CDKL3: variants seen among roughly 807,000 people sequenced by gnomAD.
CDKL3 encodes the protein cyclin-dependent kinase-like 3.
CDKL3 carries 65 observed loss-of-function variants against 69.3 expected under a neutral mutation model. The ratio of observed to expected loss-of-function variants is 0.94; its 90% confidence interval spans 0.77 to 1.15. CDKL3 has a LOEUF of 1.15. CDKL3 is among the 50% of genes most tolerant of loss of function. The pLI is 0.00. For synonymous variants in CDKL3, 202 were observed against 221.6 expected (o/e 0.91, Z 0.79); for missense variants, 652 against 689.2 (o/e 0.95, Z 0.61).
intron 4 of CDKL3, among the ~76,000 whole-genome samples, chr5:134,338,309 A>G (rs1422783655): frequency 6.6e-6 from 1 of 152,200 alleles, no homozygotes; most frequent in Non-Finnish European, 1.5e-5. Context: ...GAATTAAACT[A>G]GTATAAATAG....
At chr5:134,346,317 C>T (rs1751854196) in intron 4 of CDKL3, among the ~76,000 whole-genome samples, 3 of 152,206 alleles carry the variant, frequency 2.0e-5, no homozygotes, top group South Asian at 4.1e-4. Context: ...CACCTATCCA[C>T]TCCTTTCAGC....
intron 3 of CDKL3, among the ~76,000 whole-genome samples, chr5:134,352,392 C>A (rs1753536956): frequency 6.6e-6 from 1 of 151,688 alleles, no homozygotes; most frequent in Non-Finnish European, 1.5e-5. Context: ...CCTCTGACTC[C>A]TGGGTTCAAG....
intron 12 of CDKL3, among the ~76,000 whole-genome samples, chr5:134,300,980 C>G (rs560671402): frequency 4.0e-5 from 6 of 151,662 alleles, no homozygotes; most frequent in Admixed American, 1.3e-4. Context: ...TATAATGAAC[C>G]GAAAGATGAC....
chr5:134,349,387 T>C (rs1301758412), intron 4 of CDKL3, among the ~76,000 whole-genome samples: 3 of 152,194 alleles, frequency 2.0e-5, no homozygotes, highest in Non-Finnish European at 4.4e-5. Flanking sequence ...ATGCTACTTT[T>C]GAAGTAATTC....
chr5:134,305,653 AAC>A (rs1398652197), intron 10 of CDKL3, among the ~76,000 whole-genome samples: 1 of 152,212 alleles, frequency 6.6e-6, no homozygotes, highest in African/African-American at 2.4e-5. Flanking sequence ...TAGATCAATG[AAC>A]ACTCTTCCAC....
At chr5:134,331,234 C>T (rs913219355) in intron 4 of CDKL3, among the ~76,000 whole-genome samples, 3 of 152,172 alleles carry the variant, frequency 2.0e-5, no homozygotes, top group Non-Finnish European at 4.4e-5. Context: ...GTTTTCCTCA[C>T]AAGTTGATGT....
At chr5:134,307,892 CT>C (rs36104884) in intron 9 of CDKL3, 496 of 475,804 alleles carry the variant, frequency 1.0e-3, no homozygotes, top group Non-Finnish European at 1.1e-3. Context: ...TTCAAAGGGT[CT>C]TTTTTTTTAA....
chr5:134,367,105 G>C lies in CDKL3; in HGVS notation c.-150C>G, dbSNP rs1206202551. 1 of 985,936 alleles carries C rather than the reference G, an allele frequency of 1.0e-6. No homozygotes were observed. The highest frequency in any genetic ancestry group is 6.1e-5 in the Admixed American group (1 of 16,270). 61.1% of individuals were successfully genotyped at this position (985,936 alleles called of 1,614,324 possible). A position where few individuals can be genotyped will look rare whatever the true frequency, so the allele number is the denominator to read the frequency against. The stretch of plus-strand genomic sequence containing the variant: ...AGCCACCGAACACTGATACTACTTT[G>C]TTGCTCAGCCCCGCAAGGAACCGGC... On this transcript the variant is annotated 5_prime_UTR_variant, in exon 1 of 13. Transcript: ENST00000265334.
chr5:134,332,134 T>C (rs2149525226), intron 4 of CDKL3, among the ~76,000 whole-genome samples: 1 of 152,328 alleles, frequency 6.6e-6, no homozygotes, highest in Middle Eastern at 3.4e-3. Context: ...GCCCACTTTT[T>C]GATGCAGTTG....
At chr5:134,305,216 A>G (rs1767482284) in intron 10 of CDKL3, among the ~76,000 whole-genome samples, 1 of 152,068 alleles carries the variant, frequency 6.6e-6, no homozygotes, top group African/African-American at 2.4e-5. Context: ...GGCTCAAGCC[A>G]TAGTCCCATC....
At chr5:134,340,047 G>C (rs141613607) in intron 4 of CDKL3, among the ~76,000 whole-genome samples, 1 of 152,070 alleles carries the variant, frequency 6.6e-6, no homozygotes, top group Admixed American at 6.6e-5. Flanking sequence ...TCAGCTACTC[G>C]GGAGGCTGAG....
chr5:134,346,520 G>A (rs1000646343), intron 4 of CDKL3, among the ~76,000 whole-genome samples: 1 of 152,114 alleles, frequency 6.6e-6, no homozygotes, highest in African/African-American at 2.4e-5. Flanking sequence ...TTTTGAGACG[G>A]AGTTTCGCTC....
chr5:134,284,213 T>C (rs1223350347), downstream of CDKL3, among the ~76,000 whole-genome samples: 2 of 152,106 alleles, frequency 1.3e-5, no homozygotes, highest in Non-Finnish European at 2.9e-5. Flanking sequence ...TTTCCCTAAG[T>C]GTTGGTCTGT....
intron 4 of CDKL3, among the ~76,000 whole-genome samples, chr5:134,338,053 T>C (rs1777540174): frequency 6.6e-6 from 1 of 152,142 alleles, no homozygotes; most frequent in Non-Finnish European, 1.5e-5. Context: ...GAAAAAATAA[T>C]ATGCATGCAA....
chr5:134,309,858 GTC>G (rs1352681921), intron 7 of CDKL3, among the ~76,000 whole-genome samples: 1 of 152,076 alleles, frequency 6.6e-6, no homozygotes, highest in African/African-American at 2.4e-5. Context: ...TTCAGACACG[GTC>G]TCTCTCTGTT....
intron 2 of CDKL3, 135 bp downstream of exon 2, chr5:134,366,224 G>A (rs1447563317): frequency 1.6e-6 from 1 of 611,334 alleles, no homozygotes. Context: ...ATTACAAAAT[G>A]TAGATAAGAT....
At chr5:134,368,638 A>G (rs571519798), upstream of CDKL3, among the ~76,000 whole-genome samples, 167 of 151,782 alleles carry the variant, frequency 1.1e-3, no homozygotes, top group Middle Eastern at 6.8e-3. Flanking sequence ...AAAAAAAAAA[A>G]AAAGAAAGTT....
intron 2 of CDKL3, among the ~76,000 whole-genome samples, chr5:134,361,216 G>C (rs1449834187): frequency 6.6e-6 from 1 of 151,116 alleles, no homozygotes; most frequent in Non-Finnish European, 1.5e-5. Context: ...AAACTATCAA[G>C]AATATGTGTT....
chr5:134,331,070 T>C (rs1015482179), intron 4 of CDKL3, among the ~76,000 whole-genome samples: 1 of 152,194 alleles, frequency 6.6e-6, no homozygotes, highest in Non-Finnish European at 1.5e-5. Context: ...TTGGCATCCA[T>C]CAAGTGGAAA....
Sources: gnomAD v4.1 joint callset for allele counts (sites outside exome capture counted in the v4.1 genomes callset) on GRCh38, gnomAD v4.1.1 for gene constraint, MANE v1.5 for transcripts, NCBI Gene and HGNC (gene_info 2026-07-23, HGNC 2026-07-21) for gene names.